The following MYCN variants were observed in gnomAD, a reference collection of about 807,000 sequenced individuals.
MYCN encodes the protein N-myc proto-oncogene protein.
In MYCN, 3 loss-of-function variants were observed where a neutral mutation model predicts 28.1. That is an observed-to-expected ratio of 0.11 (90% CI 0.05 to 0.28). MYCN has a LOEUF of 0.28. Ranked by LOEUF, MYCN falls within the 10% of genes least tolerant of loss-of-function variation. MYCN has a pLI of 1.00. For missense variants in MYCN, 572 were observed against 651.4 expected, an observed-to-expected ratio of 0.88 and a Z score of 1.33; for synonymous variants, 326 against 288.3, an observed-to-expected ratio of 1.13 and a Z score of -1.32.
chr2:15,941,966 G>T lies in MYCN; in HGVS notation c.-99G>T. On this transcript the variant is annotated 5_prime_UTR_variant, in exon 2 of 3. Transcript: ENST00000281043. This position sits in a 1 kb window ranked among gnomAD's most constrained non-coding sequence, Gnocchi z 4.8. ...GTTGCAGTGTTGGAGGTCGGCGCCG[G>T]CCCCCGCCTTCCGCGCCCCCCACGG... 6.7e-7 allele frequency: 1 copy of T among 1,486,328 alleles called. No homozygotes were observed. 92.1% of individuals were successfully genotyped at this position (1,486,328 alleles called of 1,614,324 possible). A position where few individuals can be genotyped will look rare whatever the true frequency, so the allele number is the denominator to read the frequency against.
rs2103330291 is a variant in MYCN, at chr2:15,945,507, G to A, written c.805G>A (p.Glu269Lys). ...TLSDSDDEDD[E>K]EEDEEEEIDV... ...CTTTCTCTCAGATGATGAAGATGATGAAGAGGAAGATGAAGAGGAAGAAAT... is the reference window on the plus strand; with the variant it reads ...CTTTCTCTCAGATGATGAAGATGATAAAGAGGAAGATGAAGAGGAAGAAAT... Residue 269 changes from glutamate (E) to lysine (K), a missense_variant, in exon 3 of 3, where the codon GAA (glutamate) becomes AAA (lysine). Physicochemically the swap from Glu to Lys is moderately conservative, Grantham distance 56. This residue lies in a region of MYCN where 499 missense variants were observed against 524.3 expected (regional missense o/e 0.95). Transcript: ENST00000281043. This position sits in a 1 kb window ranked among gnomAD's most constrained non-coding sequence, Gnocchi z 4.8. 1 of 1,610,142 alleles carries A rather than the reference G, an allele frequency of 6.2e-7. No individual in the cohort carries two copies. The highest frequency in any genetic ancestry group is 1.3e-5 in the African/African-American group (1 of 74,992).
chr2:15,944,103 A>G (rs1347694454), intron 2 of MYCN, among the ~76,000 whole-genome samples: 3 of 152,272 alleles, frequency 2.0e-5, no homozygotes, highest in Admixed American at 2.0e-4. Flanking sequence ...TTGGTGAGGA[A>G]GCACTTCCTT....
rs1287461885 is a variant in MYCN at position 15,945,726 on chromosome 2, G to C, written c.1024G>C (p.Glu342Gln). 6.2e-7 allele frequency: 1 copy of C among 1,614,064 alleles called. No individual in the cohort carries two copies. The highest frequency in any genetic ancestry group is 2.2e-5 in the East Asian group (1 of 44,872). Residue 342 changes from glutamate (E) to glutamine (Q), a missense_variant, in exon 3 of 3, where the codon GAG (glutamate) becomes CAG (glutamine). This residue lies in a region of MYCN where 499 missense variants were observed against 524.3 expected (regional missense o/e 0.95). Coordinates refer to ENST00000281043, the MANE Select transcript of MYCN (RefSeq NM_005378.6). The surrounding 1 kb of genome is among the most constrained non-coding windows in gnomAD (Gnocchi z 4.8). ...CGCCCCCTCTCCCTACGTGGAGAGT[G>C]AGGATGCACCCCCACAGAAGAAGAT... ...YAAPSPYVESEDAPPQKKIKS... is the reference protein window; with the variant it reads ...YAAPSPYVESQDAPPQKKIKS...
Position 15,942,382 on chromosome 2 carries a change from C to A in MYCN, c.318C>A (p.Thr106=), listed in dbSNP as rs996755231. The A allele has an allele frequency of 6.2e-7, 1 of 1,607,472 alleles. No homozygotes were observed. The change falls in exon 2 of 3, where the codon ACC becomes ACA. Residue 106 remains threonine (T), a synonymous_variant. Coordinates refer to ENST00000281043, the MANE Select transcript of MYCN (RefSeq NM_005378.6). This position sits in a 1 kb window ranked among gnomAD's most constrained non-coding sequence, Gnocchi z 7.0. ...GCCTGGGGGGACTGGGTGGCCTCAC[C>A]CCCAACCCGGTCATCCTCCAGGACT... is the stretch of plus-strand genomic sequence containing the variant. The part of the protein sequence containing the change: ...AFGLGGLGGL[T]PNPVILQDCM...
rs142866857 is a variant in MYCN at position 15,946,199 on chromosome 2, C to T, written c.*102C>T. On this transcript the variant is annotated 3_prime_UTR_variant, in exon 3 of 3. Coordinates refer to ENST00000281043, the MANE Select transcript of MYCN (RefSeq NM_005378.6). ...TAAGAATGTTGGTTTACTTTCAAATCGGTCCCCTGTCGAGTTCGGCTCTGG... is the reference window on the plus strand; with the variant it reads ...TAAGAATGTTGGTTTACTTTCAAATTGGTCCCCTGTCGAGTTCGGCTCTGG... 74 of 1,558,728 alleles carry T rather than the reference C, an allele frequency of 4.7e-5. No individual in the cohort carries two copies. In the East Asian group the frequency reaches 1.4e-3, roughly 29 times the overall value.
Position 15,945,297 on chromosome 2 carries a change from G to A in MYCN, c.791-196G>A, listed in dbSNP as rs1662831631. ...TTACAGGTGTGAGTCACCGCGTCCGGCCTACAGATATATTTAATTTAAAGA... is the reference window on the plus strand; with the variant it reads ...TTACAGGTGTGAGTCACCGCGTCCGACCTACAGATATATTTAATTTAAAGA... On this transcript the variant is annotated intron_variant, in intron 2 of 2. Coordinates refer to ENST00000281043, the MANE Select transcript of MYCN (RefSeq NM_005378.6). The surrounding 1 kb of genome is among the most constrained non-coding windows in gnomAD (Gnocchi z 4.8). 6.6e-6 allele frequency among the ~76,000 whole-genome samples: 1 copy of A among 152,012 alleles called. No homozygotes were observed. The highest frequency in any genetic ancestry group is 2.4e-5 in the African/African-American group (1 of 41,380).
At position 15,946,256 on chromosome 2, in the gene MYCN, G is replaced by A; in HGVS notation, c.*159G>A. On this transcript the variant is annotated 3_prime_UTR_variant, in exon 3 of 3. Coordinates refer to ENST00000281043, the MANE Select transcript of MYCN (RefSeq NM_005378.6). ...AGTAGGACCACCAGTGTGGGGTTCT[G>A]CTGGGACCTTGGAGAGCCTGCATCC... is the stretch of plus-strand genomic sequence containing the variant. 1 of 1,063,890 alleles carries A rather than the reference G, an allele frequency of 9.4e-7. No individual in the cohort carries two copies. Among genetic ancestry groups the A allele is most frequent in the Non-Finnish European group, 1.4e-6 (1 of 719,626 alleles). The allele number at this position is 1,063,890 out of a possible 1,614,324, so 65.9% of individuals were successfully genotyped here. A position where few individuals can be genotyped will look rare whatever the true frequency, so the allele number is the denominator to read the frequency against.
At chr2:15,944,983 T>C (rs79223268) in intron 2 of MYCN, among the ~76,000 whole-genome samples, 56,575 of 151,392 alleles carry the variant, frequency 0.37, 11,759 homozygotes, top group East Asian at 0.75. Flanking sequence ...TATGTATGTA[T>C]GTATGTATGG....
Position 15,940,647 on chromosome 2 carries a change from G to T in MYCN, c.-214G>T, listed in dbSNP as rs569527205. The T allele has an allele frequency of 1.6e-3, 650 of 400,356 alleles. No homozygotes were observed. Among genetic ancestry groups the T allele is most frequent in the Non-Finnish European group, 2.4e-3 (532 of 226,242 alleles). The allele number at this position is 400,356 out of a possible 1,614,324, so 24.8% of individuals were successfully genotyped here. A position where few individuals can be genotyped will look rare whatever the true frequency, so the allele number is the denominator to read the frequency against. Reference sequence around the variant, plus strand: ...GCAAGCGCTAGCCAGGCGCAAGCGCGCACAGACTGTAGCCATCCGAGGACA... The same window carrying T: ...GCAAGCGCTAGCCAGGCGCAAGCGCTCACAGACTGTAGCCATCCGAGGACA... On this transcript the variant is annotated 5_prime_UTR_variant, in exon 1 of 3. Transcript: ENST00000281043.
rs1662830949 is a variant in MYCN at position 15,945,274 on chromosome 2, A to G, written c.791-219A>G. ...CTCCGCTTCCCAAAGTGCTGGGATT[A>G]CAGGTGTGAGTCACCGCGTCCGGCC... On this transcript the variant is annotated intron_variant, in intron 2 of 2. Transcript: ENST00000281043. The surrounding 1 kb of genome is among the most constrained non-coding windows in gnomAD (Gnocchi z 4.8). 6.6e-6 allele frequency among the ~76,000 whole-genome samples: 1 copy of G among 152,164 alleles called. No homozygotes were observed. The highest frequency in any genetic ancestry group is 2.4e-5 in the African/African-American group (1 of 41,438).
At chr2:15,940,769 C>T (rs977752936) in intron 1 of MYCN, 26 bp downstream of exon 1, 3 of 398,522 alleles carry the variant, frequency 7.5e-6, no homozygotes, top group Non-Finnish European at 8.8e-6. Flanking sequence ...TGCAAACCGC[C>T]CGGCGCCCAG....
intron 2 of MYCN, among the ~76,000 whole-genome samples, chr2:15,943,089 C>A (rs1662755998): frequency 6.6e-6 from 1 of 152,228 alleles, no homozygotes; most frequent in African/African-American, 2.4e-5. Flanking sequence ...CTTCCACCCT[C>A]TCCTGGGGAG....
Position 15,942,691 on chromosome 2 carries a change from G to A in MYCN, c.627G>A (p.Pro209=). 7.6e-6 allele frequency: 9 copies of A among 1,189,278 alleles called. No individual in the cohort carries two copies. Among genetic ancestry groups the A allele is most frequent in the Non-Finnish European group, 9.4e-6 (9 of 961,102 alleles). The allele number at this position is 1,189,278 out of a possible 1,614,324, so 73.7% of individuals were successfully genotyped here. The change falls in exon 2 of 3, where the codon CCG becomes CCA. Residue 209 remains proline, a synonymous_variant. Transcript: ENST00000281043. The surrounding 1 kb of genome is among the most constrained non-coding windows in gnomAD (Gnocchi z 7.0). The part of the protein sequence containing the change: ...KREPAPVPAA[P]ASAPAAGPAV... Reference sequence around the variant, plus strand: ...AGCCAGCGCCCGTGCCCGCAGCCCCGGCCAGTGCCCCGGCGGCGGGCCCTG... The same window carrying A: ...AGCCAGCGCCCGTGCCCGCAGCCCCAGCCAGTGCCCCGGCGGCGGGCCCTG...
At chr2:15,944,472 T>C (rs3755135) in intron 2 of MYCN, among the ~76,000 whole-genome samples, 67,394 of 152,036 alleles carry the variant, frequency 0.44, 16,566 homozygotes, top group East Asian at 0.79. Context: ...TGAAAAACTG[T>C]TTATTGTATA....
rs955258106 is a variant in MYCN, at chr2:15,942,857, A to G, written c.790+3A>G. The G allele has an allele frequency of 3.2e-6, 5 of 1,582,046 alleles. No homozygotes were observed. The highest frequency in any genetic ancestry group is 4.3e-6 in the Non-Finnish European group (5 of 1,170,888). ...AGAGGACACCCTGAGCGATTCAGGT[A>G]AAGACCGAACTCGGGTCCGGCTGCC... On this transcript the variant is annotated splice_donor_region_variant and intron_variant, in intron 2 of 2. Transcript: ENST00000281043. This position sits in a 1 kb window ranked among gnomAD's most constrained non-coding sequence, Gnocchi z 7.0.
chr2:15,946,124 G>A lies in MYCN; in HGVS notation c.*27G>A, dbSNP rs1572221859. The A allele has an allele frequency of 6.2e-7, 1 of 1,614,002 alleles. No individual in the cohort carries two copies. Among genetic ancestry groups the A allele is most frequent in the Non-Finnish European group, 8.5e-7 (1 of 1,180,016 alleles). On this transcript the variant is annotated 3_prime_UTR_variant, in exon 3 of 3. Transcript: ENST00000281043. ...CGCTTCTCAAAACTGGACAGTCACT[G>A]CCACTTTGCACATTTTGATTTTTTT...
Position 15,945,354 on chromosome 2 carries a change from T to A in MYCN, c.791-139T>A. 1.1e-6 allele frequency: 1 copy of A among 951,662 alleles called. No individual in the cohort carries two copies. The highest frequency in any genetic ancestry group is 1.6e-6 in the Non-Finnish European group (1 of 611,492). The allele number at this position is 951,662 out of a possible 1,614,324, so 59.0% of individuals were successfully genotyped here. ...AAACAAATACAAAACTGTCCACATCTATGTTGATGGACCCATAAAAATAGC... is the reference window on the plus strand; with the variant it reads ...AAACAAATACAAAACTGTCCACATCAATGTTGATGGACCCATAAAAATAGC... On this transcript the variant is annotated intron_variant, in intron 2 of 2. Transcript: ENST00000281043. This position sits in a 1 kb window ranked among gnomAD's most constrained non-coding sequence, Gnocchi z 4.8.
Position 15,942,554 on chromosome 2 carries a change from G to A in MYCN, c.490G>A (p.Gly164Arg). 8.4e-7 allele frequency: 1 copy of A among 1,184,452 alleles called. No individual in the cohort carries two copies. The highest frequency in any genetic ancestry group is 1.0e-6 in the Non-Finnish European group (1 of 958,822). The allele number at this position is 1,184,452 out of a possible 1,614,324, so 73.4% of individuals were successfully genotyped here. The change falls in exon 2 of 3, where the codon GGG becomes AGG. Residue 164 changes from glycine (G) to arginine (R), a missense_variant. Transcript: ENST00000281043. This position sits in a 1 kb window ranked among gnomAD's most constrained non-coding sequence, Gnocchi z 7.0. ...AASPAGRGHG[G>R]AAGAGRAGAA... Reference sequence around the variant, plus strand: ...CAGCCCTGCGGGTCGCGGGCACGGCGGGGCTGCGGGAGCCGGCCGCGCCGG... The same window carrying A: ...CAGCCCTGCGGGTCGCGGGCACGGCAGGGCTGCGGGAGCCGGCCGCGCCGG...
chr2:15,945,821 A>C lies in MYCN; in HGVS notation c.1119A>C (p.Arg373=). The C allele has an allele frequency of 1.9e-6, 3 of 1,614,040 alleles. No individual in the cohort carries two copies. Among genetic ancestry groups the C allele is most frequent in the Non-Finnish European group, 2.5e-6 (3 of 1,180,036 alleles). The part of the protein sequence containing the change: ...IPPKAKSLSP[R]NSDSEDSERR... ...CAAAGGCTAAGAGCTTGAGCCCCCGAAACTCTGACTCGGAGGACAGTGAGC... is the reference window on the plus strand; with the variant it reads ...CAAAGGCTAAGAGCTTGAGCCCCCGCAACTCTGACTCGGAGGACAGTGAGC... The change falls in exon 3 of 3, where the codon CGA becomes CGC. Residue 373 remains arginine, a synonymous_variant. Transcript: ENST00000281043. This position sits in a 1 kb window ranked among gnomAD's most constrained non-coding sequence, Gnocchi z 4.8.
Sources: gnomAD v4.1 joint callset for allele counts (sites outside exome capture counted in the v4.1 genomes callset) on GRCh38, gnomAD v4.1.1 for gene constraint, gnomAD v4.1.1 regional missense constraint, Gnocchi (gnomAD v3.1) non-coding constraint, MANE v1.5 for transcripts, NCBI Gene and HGNC (gene_info 2026-07-23, HGNC 2026-07-21) for gene names.